Variants in RAP1GDS1 observed in about 807,000 individuals in gnomAD.
RAP1GDS1 encodes RAP1, GTP-GDP dissociation stimulator 1.
RAP1GDS1 carries 35 observed loss-of-function variants against 71.1 expected under a neutral mutation model. The observed-to-expected ratio is 0.49, with a 90% CI of 0.38 to 0.65. The LOEUF is 0.65. Ranked by LOEUF, RAP1GDS1 falls within the 30% of genes least tolerant of loss-of-function variation. RAP1GDS1 has a pLI of 0.00. For synonymous variants in RAP1GDS1, 229 were observed against 243.1 expected (o/e 0.94, Z 0.54); for missense variants, 663 against 706.1 (o/e 0.94, Z 0.69).
chr4:98,294,352 A>G (rs949841602), intron 2 of RAP1GDS1, among the ~76,000 whole-genome samples: 7 of 152,078 alleles, frequency 4.6e-5, no homozygotes, highest in Non-Finnish European at 1.0e-4. Flanking sequence ...TTATTGATAT[A>G]TGTTTTTTTT....
chr4:98,382,116 T>C (rs920132240), intron 5 of RAP1GDS1, among the ~76,000 whole-genome samples: 2 of 151,628 alleles, frequency 1.3e-5, no homozygotes, highest in Non-Finnish European at 3.0e-5. Context: ...ATTCATAATT[T>C]ATCAGTTTCA....
At chr4:98,376,719 C>T (rs1270911376) in intron 4 of RAP1GDS1, among the ~76,000 whole-genome samples, 6 of 151,898 alleles carry the variant, frequency 4.0e-5, no homozygotes, top group Non-Finnish European at 8.8e-5. Context: ...TATTGTAATA[C>T]ATGCTTTGCT....
intron 2 of RAP1GDS1, among the ~76,000 whole-genome samples, chr4:98,325,975 C>A (rs1306215292): frequency 1.3e-5 from 2 of 151,330 alleles, no homozygotes. Context: ...ATGGAATTAT[C>A]AGCAGTTTAC....
At chr4:98,419,514 A>T (rs962290606) in intron 10 of RAP1GDS1, among the ~76,000 whole-genome samples, 1 of 152,232 alleles carries the variant, frequency 6.6e-6, no homozygotes, top group African/African-American at 2.4e-5. Flanking sequence ...TGGAAAATAC[A>T]ACAAAAGATA....
intron 1 of RAP1GDS1, among the ~76,000 whole-genome samples, chr4:98,275,152 C>T (rs1006884471): frequency 6.6e-6 from 1 of 152,064 alleles, no homozygotes; most frequent in East Asian, 1.9e-4. Context: ...AGTGCTTAGT[C>T]TGGTAGTATC....
intron 5 of RAP1GDS1, among the ~76,000 whole-genome samples, chr4:98,389,302 T>TTTG (rs1480445390): frequency 2.8e-5 from 4 of 140,470 alleles, no homozygotes; most frequent in African/African-American, 1.2e-4. Context: ...TAAAAGTGTG[T>TTTG]TTTTTTTTTC....
chr4:98,438,846 C>CT (rs751302417), intron 14 of RAP1GDS1, among the ~76,000 whole-genome samples: 77 of 152,004 alleles, frequency 5.1e-4, no homozygotes, highest in Non-Finnish European at 8.2e-4. Context: ...GGTGATCCAC[C>CT]TGCCTTGGCC....
intron 4 of RAP1GDS1, among the ~76,000 whole-genome samples, chr4:98,366,960 T>G (rs1378439631): frequency 6.6e-6 from 1 of 152,140 alleles, no homozygotes; most frequent in African/African-American, 2.4e-5. Context: ...TGAGGAGAAT[T>G]TCAAGCCATC....
intron 1 of RAP1GDS1, among the ~76,000 whole-genome samples, chr4:98,279,990 T>G (rs1363524625): frequency 6.6e-6 from 1 of 152,242 alleles, no homozygotes; most frequent in Non-Finnish European, 1.5e-5. Flanking sequence ...TGCCACATTT[T>G]CTTAATCTAG....
chr4:98,413,704 G>A (rs1027823652), intron 7 of RAP1GDS1, among the ~76,000 whole-genome samples: 6 of 152,202 alleles, frequency 3.9e-5, no homozygotes, highest in African/African-American at 1.4e-4. Context: ...CTTTATAGCA[G>A]CATGATTTAT....
At chr4:98,393,182 G>T (rs1410391476) in intron 6 of RAP1GDS1, among the ~76,000 whole-genome samples, 1 of 152,144 alleles carries the variant, frequency 6.6e-6, no homozygotes, top group East Asian at 1.9e-4. Flanking sequence ...AAAGCATGAA[G>T]TCACTAGTCT....
rs566893873 is a variant in RAP1GDS1 at position 98,373,587 on chromosome 4, A to G, written c.362-5430A>G. 1.2e-3 allele frequency among the ~76,000 whole-genome samples: 178 copies of G among 152,278 alleles called. 1 individual carries two copies. The South Asian group carries it at 0.018, about 16-fold the overall frequency. Reference sequence around the variant, plus strand: ...ATATTTTTCTACCCTGTTCTCTAGCACTTCATTCTCTGAGATTCCAGGTAC... The same window carrying G: ...ATATTTTTCTACCCTGTTCTCTAGCGCTTCATTCTCTGAGATTCCAGGTAC... On this transcript the variant is annotated intron_variant, in intron 4 of 14. Transcript: ENST00000408927.
intron 3 of RAP1GDS1, among the ~76,000 whole-genome samples, chr4:98,351,328 G>A (rs939216807): frequency 6.6e-6 from 1 of 152,100 alleles, no homozygotes; most frequent in Non-Finnish European, 1.5e-5. Flanking sequence ...TCGGGACAGA[G>A]GAATACCTCT....
rs559759561 is a variant in RAP1GDS1, at chr4:98,330,588, G to A, written c.113-12551G>A. On this transcript the variant is annotated intron_variant, in intron 2 of 14. Coordinates refer to ENST00000408927, the MANE Select transcript of RAP1GDS1 (RefSeq NM_001100427.2). Reference sequence around the variant, plus strand: ...GCGCTCCTCACATCCCAGACGGGGCGGCCGGGCAGAGGCGCTCCCCACATC... The same window carrying A: ...GCGCTCCTCACATCCCAGACGGGGCAGCCGGGCAGAGGCGCTCCCCACATC... Among the ~76,000 whole-genome samples the A allele has an allele frequency of 1.0e-3, 158 of 151,232 alleles. 1 individual carries two copies. Among genetic ancestry groups the A allele is most frequent in the African/African-American group, 3.3e-3 (137 of 41,202 alleles).
chr4:98,303,012 C>T (rs1457792876), intron 2 of RAP1GDS1, among the ~76,000 whole-genome samples: 1 of 150,892 alleles, frequency 6.6e-6, no homozygotes, highest in Non-Finnish European at 1.5e-5. Context: ...CGTGACTGCA[C>T]TCTAGCCTGG....
At chr4:98,322,981 G>A (rs1209043518) in intron 2 of RAP1GDS1, among the ~76,000 whole-genome samples, 1 of 149,444 alleles carries the variant, frequency 6.7e-6, no homozygotes, top group Non-Finnish European at 1.5e-5. Flanking sequence ...ATGAATCCAG[G>A]AGCTGGTTTT....
At chr4:98,417,885 T>G (rs550423881) in intron 9 of RAP1GDS1, among the ~76,000 whole-genome samples, 1 of 152,266 alleles carries the variant, frequency 6.6e-6, no homozygotes, top group East Asian at 1.9e-4. Flanking sequence ...CCATAAAACT[T>G]AAGTATGAAT....
intron 2 of RAP1GDS1, among the ~76,000 whole-genome samples, chr4:98,320,507 T>G (rs1280982999): frequency 6.6e-6 from 1 of 152,082 alleles, no homozygotes; most frequent in Non-Finnish European, 1.5e-5. Context: ...AGAAGACGGG[T>G]GATTTCTGCA....
intron 4 of RAP1GDS1, among the ~76,000 whole-genome samples, chr4:98,365,743 T>C (rs1164383631): frequency 6.6e-6 from 1 of 152,234 alleles, no homozygotes; most frequent in African/African-American, 2.4e-5. Flanking sequence ...TTATCACTTT[T>C]GTTCGATTTT....
Sources: allele counts gnomAD v4.1 joint callset (sites outside exome capture counted in the v4.1 genomes callset), GRCh38; gene constraint gnomAD v4.1.1; transcripts MANE v1.5; gene names NCBI Gene and HGNC (gene_info 2026-07-23, HGNC 2026-07-21).